ABCC9: variants seen among roughly 807,000 people sequenced by gnomAD.
ABCC9 encodes the protein ATP binding cassette subfamily C member 9.
In ABCC9, 95 loss-of-function variants were observed where a neutral mutation model predicts 188.3. The ratio of observed to expected loss-of-function variants is 0.50; its 90% CI spans 0.43 to 0.60. ABCC9 has a LOEUF of 0.60. ABCC9 is among the 20% of genes least tolerant of loss of function. The probability of loss-of-function intolerance (pLI) is 0.00; values close to 1 mark genes in which losing one functional copy is unlikely to be tolerated. For synonymous variants in ABCC9, 659 were observed against 652.7 expected (o/e 1.01, Z -0.15); for missense variants, 1,102 against 1,876.3 (o/e 0.59, Z 7.62).
At chr12:21,934,171 T>C (rs543181488) in intron 3 of ABCC9, among the ~76,000 whole-genome samples, 1 of 152,244 alleles carries the variant, frequency 6.6e-6, no homozygotes, top group East Asian at 1.9e-4. Flanking sequence ...ATACCAACTC[T>C]GGATGACAAC....
At chr12:21,851,097 T>C (rs912368906) in intron 24 of ABCC9, among the ~76,000 whole-genome samples, 3 of 152,112 alleles carry the variant, frequency 2.0e-5, no homozygotes, top group Admixed American at 2.0e-4. Context: ...AAATAATATA[T>C]TTAAATTTCC....
rs1242263812 is a variant in ABCC9, at chr12:21,798,954, G to A, written c.*2090C>T. 2 of 149,676 alleles carry A rather than the reference G, an allele frequency of 1.3e-5. No individual in the cohort carries two copies. Among genetic ancestry groups the A allele is most frequent in the African/African-American group, 4.9e-5 (2 of 40,434 alleles). 9.3% of individuals were successfully genotyped at this position (149,676 alleles called of 1,614,324 possible). A position where few individuals can be genotyped will look rare whatever the true frequency, so the allele number is the denominator to read the frequency against. On this transcript the variant is annotated 3_prime_UTR_variant, in exon 40 of 40. Transcript: ENST00000261200. ...GAGTTCATGTCCTTTGTAGGGACATGGATGAAACTGGAAACCATCATTCTC... is the reference window on the plus strand; with the variant it reads ...GAGTTCATGTCCTTTGTAGGGACATAGATGAAACTGGAAACCATCATTCTC...
At chr12:21,903,493 C>A (rs557782484) in intron 12 of ABCC9, among the ~76,000 whole-genome samples, 1 of 152,082 alleles carries the variant, frequency 6.6e-6, no homozygotes, top group African/African-American at 2.4e-5. Flanking sequence ...TCAAATTATC[C>A]CTGTTTGCAG....
At chr12:21,805,044 A>G (rs2137103108) in intron 39 of ABCC9, 1 of 1,362,906 alleles carries the variant, frequency 7.3e-7, no homozygotes, top group South Asian at 1.2e-5. Context: ...ATTTTGTAAT[A>G]ACACCCTGCA....
chr12:21,923,576 A>G (rs950415815), intron 5 of ABCC9: 14 of 392,262 alleles, frequency 3.6e-5, no homozygotes, highest in African/African-American at 1.2e-4. Context: ...TAAAACCGCA[A>G]TGTATTACCA....
intron 2 of ABCC9, among the ~76,000 whole-genome samples, chr12:21,939,533 G>T (rs958655715): frequency 5.3e-5 from 8 of 152,130 alleles, no homozygotes; most frequent in African/African-American, 1.9e-4. Flanking sequence ...TTTGGGGAAG[G>T]GTATAAATCG....
At position 21,817,233 on chromosome 12, in the gene ABCC9, C is replaced by T; in HGVS notation, c.3846G>A (p.Val1282=). The stretch of plus-strand genomic sequence containing the variant: ...CTGACTCCATAGTCAGGAAACTGTT[C>T]ACCTTCTTCACTGCACCCATCTGGA... The part of the protein sequence containing the change: ...LEVQMGAVKK[V]NSFLTMESEN... The change falls in exon 33 of 40, where the codon GTG becomes GTA. Residue 1282 remains valine, a synonymous_variant. Coordinates refer to ENST00000261200, the MANE Select transcript of ABCC9 (RefSeq NM_020297.4). 1.2e-6 allele frequency: 2 copies of T among 1,613,780 alleles called. No homozygotes were observed. Among genetic ancestry groups the T allele is most frequent in the Non-Finnish European group, 1.7e-6 (2 of 1,179,826 alleles).
chr12:21,938,307 CT>C (rs1450168250), intron 2 of ABCC9, among the ~76,000 whole-genome samples: 7 of 151,926 alleles, frequency 4.6e-5, no homozygotes, highest in Non-Finnish European at 1.0e-4. Context: ...TTTCCCTCAT[CT>C]TTTTTTAAAA....
intron 5 of ABCC9, chr12:21,924,059 A>C: frequency 2.4e-6 from 1 of 410,890 alleles, no homozygotes; most frequent in Non-Finnish European, 4.3e-6. Context: ...GGCAAACCTA[A>C]TCCATGGTGG....
At position 21,856,043 on chromosome 12, in the gene ABCC9, A is replaced by C. The variant is rs112833378; in HGVS notation, c.2506-3538T>G. On this transcript the variant is annotated intron_variant, in intron 22 of 39. Coordinates refer to ENST00000261200, the MANE Select transcript of ABCC9 (RefSeq NM_020297.4). ...AATAGTAATAACAACAATAATGTCA[A>C]ACCTAGGAGAGTTATTATGAGAATT... Among the ~76,000 whole-genome samples, 1,206 of 152,312 alleles carry C rather than the reference A, an allele frequency of 7.9e-3. 27 individuals carry two copies. The highest frequency in any genetic ancestry group is 0.028 in the African/African-American group (1,158 of 41,552).
chr12:21,829,436 T>A (rs185604098), intron 30 of ABCC9, among the ~76,000 whole-genome samples: 54 of 152,134 alleles, frequency 3.5e-4, no homozygotes, highest in African/African-American at 1.1e-3. Flanking sequence ...CTCCTGACCT[T>A]GTGATCCGCC....
rs116325114 is a variant in ABCC9, at chr12:21,876,194, G to A, written c.2020-468C>T. ...AAAATTAGAAAGAATGAAAGTGAAA[G>A]GAGGGTCTTTAAATTTGCGATATTA... On this transcript the variant is annotated intron_variant, in intron 16 of 39. Transcript: ENST00000261200. Among the ~76,000 whole-genome samples, 1,111 of 152,266 alleles carry A rather than the reference G, an allele frequency of 7.3e-3. 14 individuals are homozygous for A. Among genetic ancestry groups the A allele is most frequent in the African/African-American group, 0.025 (1,052 of 41,546 alleles).
chr12:21,843,578 G>A (rs1944494860), intron 28 of ABCC9, among the ~76,000 whole-genome samples: 1 of 152,098 alleles, frequency 6.6e-6, no homozygotes, highest in Admixed American at 6.6e-5. Flanking sequence ...TTGGTATAGA[G>A]GAAGTTGCTG....
intron 31 of ABCC9, among the ~76,000 whole-genome samples, chr12:21,818,642 TA>T (rs1451956402): frequency 3.9e-4 from 57 of 145,910 alleles, no homozygotes; most frequent in African/African-American, 1.5e-3. Context: ...ATGTAGGGTT[TA>T]CTTTTTTTTT....
intron 36 of ABCC9, 50 bp downstream of exon 36, chr12:21,811,999 T>C: frequency 7.4e-7 from 1 of 1,347,806 alleles, no homozygotes. Flanking sequence ...TTTCTATGAG[T>C]CAAAGGCTAA....
chr12:21,844,349 A>G, intron 28 of ABCC9, 134 bp downstream of exon 28: 1 of 739,608 alleles, frequency 1.4e-6, no homozygotes, highest in Admixed American at 2.2e-5. Context: ...ATGTATTGAT[A>G]CAAATACAAA....
chr12:21,912,522 G>A (rs1833720709), intron 8 of ABCC9, among the ~76,000 whole-genome samples: 2 of 151,976 alleles, frequency 1.3e-5, no homozygotes, highest in South Asian at 2.1e-4. Context: ...AAGTGACTCA[G>A]CCACCCATCA....
At chr12:21,841,895 TTCC>T (rs1445342281) in intron 29 of ABCC9, among the ~76,000 whole-genome samples, 1 of 152,176 alleles carries the variant, frequency 6.6e-6, no homozygotes, top group African/African-American at 2.4e-5. Flanking sequence ...CATTTCTAAA[TTCC>T]ACATCTTATC....
rs887728369 is a variant in ABCC9, at chr12:21,827,109, T to TG, written c.3669+1848dup. The TG allele has an allele frequency of 3.0e-6, 3 of 985,084 alleles. No individual in the cohort carries two copies. The African/African-American group carries it at 5.2e-5, about 17-fold the overall frequency. 61.0% of individuals were successfully genotyped at this position (985,084 alleles called of 1,614,324 possible). A position where few individuals can be genotyped will look rare whatever the true frequency, so the allele number is the denominator to read the frequency against. On this transcript the variant is annotated intron_variant, in intron 31 of 39. Transcript: ENST00000261200. ...AGACAGGTTCAACTGCTTTTTCACG[T>TG]GGGGGTTAAAGTATTGGGTTATGAG... is the stretch of plus-strand genomic sequence containing the variant.
Sources: allele counts gnomAD v4.1 joint callset (sites outside exome capture counted in the v4.1 genomes callset), GRCh38; gene constraint gnomAD v4.1.1; transcripts MANE v1.5; gene names NCBI Gene and HGNC (gene_info 2026-07-23, HGNC 2026-07-21).